The following CPM variants were observed in gnomAD, a reference collection of about 807,000 sequenced individuals.
CPM encodes the protein carboxypeptidase M.
In CPM, 35 loss-of-function variants were observed where a neutral mutation model predicts 46.4. That is an observed-to-expected ratio of 0.75 (90% CI 0.58 to 1.00). The LOEUF (loss-of-function observed/expected upper bound fraction) is 1.00. Ranked by LOEUF, CPM falls within the 50% of genes least tolerant of loss-of-function variation. The pLI is 0.00. For missense variants in CPM, 422 were observed against 530.4 expected (o/e 0.80, Z 2.01); for synonymous variants, 195 against 195.3 (o/e 1.00, Z 0.01).
intron 6 of CPM, among the ~76,000 whole-genome samples, chr12:68,868,570 C>T (rs1885557735): frequency 6.6e-6 from 1 of 152,104 alleles, no homozygotes; most frequent in Admixed American, 6.6e-5. Context: ...GTCCCTCCTA[C>T]CCCGGGTTTC....
At chr12:68,902,231 T>A (rs1887145353) in intron 2 of CPM, among the ~76,000 whole-genome samples, 1 of 152,212 alleles carries the variant, frequency 6.6e-6, no homozygotes, top group South Asian at 2.1e-4. Context: ...TGAGTGGTAC[T>A]AATTAATTTC....
At chr12:68,871,343 T>G (rs990352835) in intron 4 of CPM, among the ~76,000 whole-genome samples, 1 of 151,992 alleles carries the variant, frequency 6.6e-6, no homozygotes, top group Non-Finnish European at 1.5e-5. Context: ...AAATTAGATA[T>G]TAAAAGTTGT....
At chr12:68,922,905 GT>G (rs1888095110) in intron 2 of CPM, among the ~76,000 whole-genome samples, 1 of 152,066 alleles carries the variant, frequency 6.6e-6, no homozygotes, top group South Asian at 2.1e-4. Flanking sequence ...AGACAGAAGT[GT>G]TTTTTGTTTG....
At chr12:68,920,904 G>A (rs907588945) in intron 2 of CPM, among the ~76,000 whole-genome samples, 14 of 149,336 alleles carry the variant, frequency 9.4e-5, no homozygotes, top group South Asian at 2.1e-4. Context: ...GTTTTGCCAC[G>A]TTGGCCAGGC....
intron 2 of CPM, among the ~76,000 whole-genome samples, chr12:68,896,228 G>C (rs1419868430): frequency 1.3e-5 from 2 of 152,156 alleles, no homozygotes; most frequent in Non-Finnish European, 2.9e-5. Context: ...TCAAGGCTCA[G>C]CTAAAAGCCT....
At chr12:68,936,416 C>T (rs1329586748), upstream of CPM, among the ~76,000 whole-genome samples, 1 of 151,902 alleles carries the variant, frequency 6.6e-6, no homozygotes, top group East Asian at 1.9e-4. Context: ...TAGAGTCTTG[C>T]TCTGTTGCCC....
chr12:68,962,087 C>T (rs1407114579), intron 1 of CPM, among the ~76,000 whole-genome samples: 2 of 151,592 alleles, frequency 1.3e-5, no homozygotes, highest in Admixed American at 6.6e-5. Flanking sequence ...GTAGTCTCAG[C>T]TACTCAGGAG....
upstream of CPM, among the ~76,000 whole-genome samples, chr12:68,934,439 C>CCT (rs1441874594): frequency 2.0e-5 from 3 of 152,142 alleles, no homozygotes; most frequent in Non-Finnish European, 4.4e-5. Context: ...ATTGCGCACT[C>CCT]AGGACTCCCT....
chr12:68,923,619 T>C (rs1256398028), intron 2 of CPM, among the ~76,000 whole-genome samples: 1 of 152,204 alleles, frequency 6.6e-6, no homozygotes. Context: ...AAGATCAATA[T>C]AGTGTTCAAA....
intron 2 of CPM, among the ~76,000 whole-genome samples, chr12:68,894,073 C>CTCCA (rs1482361587): frequency 6.6e-6 from 1 of 152,152 alleles, no homozygotes; most frequent in Non-Finnish European, 1.5e-5. Flanking sequence ...CTGTCTTGTC[C>CTCCA]TCCACCCCAC....
chr12:68,927,006 T>C (rs34075856), intron 2 of CPM, among the ~76,000 whole-genome samples: 1 of 152,220 alleles, frequency 6.6e-6, no homozygotes, highest in Non-Finnish European at 1.5e-5. Context: ...CTATTGTGAA[T>C]AGTGCCGCAA....
chr12:68,844,654 AAAC>A (rs1192520607), intron 5 of CPM: 6 of 225,444 alleles, frequency 2.7e-5, no homozygotes, highest in African/African-American at 1.4e-4. Flanking sequence ...CATCAGAAAA[AAAC>A]AAAAAAACTG....
chr12:68,867,568 C>T (rs1885508312), intron 6 of CPM, among the ~76,000 whole-genome samples: 1 of 152,170 alleles, frequency 6.6e-6, no homozygotes, highest in Non-Finnish European at 1.5e-5. Flanking sequence ...ACAGCAATTG[C>T]CCCTACTTTA....
upstream of CPM, among the ~76,000 whole-genome samples, chr12:68,935,662 G>C (rs1888662597): frequency 6.6e-6 from 1 of 151,358 alleles, no homozygotes; most frequent in Non-Finnish European, 1.5e-5. Context: ...TTGTGCAGTA[G>C]TCACTATGCT....
At chr12:68,960,677 AAT>A (rs1036537961) in intron 1 of CPM, among the ~76,000 whole-genome samples, 1 of 152,052 alleles carries the variant, frequency 6.6e-6, no homozygotes, top group South Asian at 2.1e-4. Context: ...CTTTTGTTAA[AAT>A]ATATATATAT....
chr12:68,891,644 T>A (rs1436828108), intron 2 of CPM, among the ~76,000 whole-genome samples: 1 of 152,138 alleles, frequency 6.6e-6, no homozygotes, highest in Non-Finnish European at 1.5e-5. Flanking sequence ...GGGAACTAGT[T>A]AGAACTGCAC....
chr12:68,844,168 ATGAT>A (rs1884062442), intron 5 of CPM: 1 of 207,748 alleles, frequency 4.8e-6, no homozygotes, highest in African/African-American at 2.3e-5. Flanking sequence ...TTGAAAATAA[ATGAT>A]TAAGAATTGT....
At position 68,859,029 on chromosome 12, in the gene CPM, G is replaced by C; in HGVS notation, c.983C>G (p.Pro328Arg). 6.4e-7 allele frequency: 1 copy of C among 1,555,980 alleles called. No individual in the cohort carries two copies. Among genetic ancestry groups the C allele is most frequent in the Non-Finnish European group, 8.7e-7 (1 of 1,151,596 alleles). ...QVFDQNGNPL[P>R]NVIVEVQDRK... ...GTCTTGGACTTCCACAATTACATTG[G>C]GTAATGGATTTCCATTCTGATCAAA... Residue 328 changes from proline to arginine, a missense_variant, in exon 8 of 9, where the codon CCC (proline) becomes CGC (arginine). Pro to Arg is a moderately radical substitution (Grantham distance 103). Coordinates refer to ENST00000551568, the MANE Select transcript of CPM (RefSeq NM_198320.5).
chr12:68,910,233 A>C (rs1887538493), intron 2 of CPM, among the ~76,000 whole-genome samples: 1 of 152,252 alleles, frequency 6.6e-6, no homozygotes, highest in South Asian at 2.1e-4. Context: ...AACTAAGATA[A>C]GATTATACCA....
Sources: allele counts gnomAD v4.1 joint callset (sites outside exome capture counted in the v4.1 genomes callset), GRCh38; gene constraint gnomAD v4.1.1; transcripts MANE v1.5; gene names NCBI Gene and HGNC (gene_info 2026-07-23, HGNC 2026-07-21).